Variants in FCHO2 observed in about 807,000 individuals in gnomAD.
FCHO2 encodes F-BAR domain only protein 2.
In FCHO2, 43 loss-of-function variants were observed where a neutral mutation model predicts 114.1. That is an observed-to-expected ratio of 0.38 (90% CI 0.30 to 0.49). FCHO2 has a LOEUF of 0.49. Ranked by LOEUF, FCHO2 falls within the 20% of genes least tolerant of loss-of-function variation. FCHO2 has a pLI of 0.97. For synonymous variants in FCHO2, 293 were observed against 315.2 expected (o/e 0.93, Z 0.75); for missense variants, 807 against 950.4 (o/e 0.85, Z 1.98).
intron 8 of FCHO2, among the ~76,000 whole-genome samples, chr5:73,019,387 C>A (rs1239180446): frequency 6.6e-6 from 1 of 151,952 alleles, no homozygotes; most frequent in African/African-American, 2.4e-5. Flanking sequence ...ACTGAAAATA[C>A]AAAAATTAGC....
chr5:73,080,839 T>C (rs528812730), intron 22 of FCHO2, among the ~76,000 whole-genome samples: 1 of 152,136 alleles, frequency 6.6e-6, no homozygotes, highest in East Asian at 1.9e-4. Flanking sequence ...GGCTGGACTT[T>C]GTTGCTCTGG....
At position 73,074,838 on chromosome 5, in the gene FCHO2, G is replaced by A. The variant is rs1742835139; in HGVS notation, c.1676G>A (p.Gly559Glu). The stretch of plus-strand genomic sequence containing the variant: ...GAATCTGTTAATGCCTACTTTAAAG[G>A]AGCAGATCCCACCAAGTTAGTTTTT... ...LTESVNAYFK[G>E]ADPTKCIVKI... is the part of the protein sequence containing the mutation. Residue 559 changes from glycine (G) to glutamate (E), a missense_variant, in exon 20 of 26, where the codon GGA becomes GAA. Gly to Glu is a moderately conservative substitution (Grantham distance 98). Transcript: ENST00000430046. 4.3e-6 allele frequency: 7 copies of A among 1,611,794 alleles called. No homozygotes were observed. The highest frequency in any genetic ancestry group is 5.9e-6 in the Non-Finnish European group (7 of 1,178,994).
At chr5:73,039,487 G>A (rs13184743) in intron 10 of FCHO2, among the ~76,000 whole-genome samples, 3 of 152,194 alleles carry the variant, frequency 2.0e-5, no homozygotes, top group Non-Finnish European at 2.9e-5. Context: ...TGATTCTCTA[G>A]AAGGATTGGG....
At chr5:72,989,549 T>G in intron 3 of FCHO2, 48 bp downstream of exon 3, 1 of 1,479,238 alleles carries the variant, frequency 6.8e-7, no homozygotes, top group Non-Finnish European at 9.3e-7. Flanking sequence ...GGCAAAGTTC[T>G]TAAGGATTCT....
chr5:73,011,864 T>C lies in FCHO2; in HGVS notation c.601-3762T>C, dbSNP rs184433269. Among the ~76,000 whole-genome samples, 9 of 151,732 alleles carry C rather than the reference T, an allele frequency of 5.9e-5. No homozygotes were observed. The East Asian group carries it at 1.7e-3, about 29-fold the overall frequency. On this transcript the variant is annotated intron_variant, in intron 6 of 25. Coordinates refer to ENST00000430046, the MANE Select transcript of FCHO2 (RefSeq NM_138782.3). Reference sequence around the variant, plus strand: ...GGTGGTGGTTGCAGTGAGCTGAGATTGCGCCACTGCCCTCCAGCCTGGGCA... The same window carrying C: ...GGTGGTGGTTGCAGTGAGCTGAGATCGCGCCACTGCCCTCCAGCCTGGGCA...
intron 17 of FCHO2, among the ~76,000 whole-genome samples, chr5:73,060,641 G>T (rs1757810450): frequency 6.6e-6 from 1 of 151,940 alleles, no homozygotes; most frequent in African/African-American, 2.4e-5. Context: ...GCAAGGTCCA[G>T]GTTGTGAGAT....
rs571628924 is a variant in FCHO2 at position 72,983,802 on chromosome 5, G to GT, written c.126-5617dup. ...TCTTCTAGATCTTTTGCTGTTTTCG[G>GT]TTTTTTTTCTATTACCAAGTAATGT... On this transcript the variant is annotated intron_variant, in intron 2 of 25. Transcript: ENST00000430046. Among the ~76,000 whole-genome samples the GT allele has an allele frequency of 9.9e-5, 15 of 150,974 alleles. No individual in the cohort carries two copies. In the South Asian group the frequency reaches 1.0e-3, roughly 11 times the overall value.
chr5:73,037,178 C>A lies in FCHO2; in HGVS notation c.877C>A (p.Pro293Thr). Residue 293 changes from proline (P) to threonine (T), a missense_variant, in exon 10 of 26, where the codon CCA (proline) becomes ACA (threonine). By Grantham distance (38) the Pro-to-Thr change is conservative (BLOSUM62 -1). Transcript: ENST00000430046. ...AAGGAAAAGAAAGACCTTTGCTTTG[C>A]CAGGAATCATTAAAAAGGAAAAAGA... ...KPRKRKTFAL[P>T]GIIKKEKDAE... The A allele has an allele frequency of 6.3e-7, 1 of 1,592,140 alleles. No homozygotes were observed. Among genetic ancestry groups the A allele is most frequent in the East Asian group, 2.3e-5 (1 of 44,072 alleles).
chr5:72,993,824 A>G (rs538403660), intron 5 of FCHO2, among the ~76,000 whole-genome samples: 1 of 152,310 alleles, frequency 6.6e-6, no homozygotes, highest in South Asian at 2.1e-4. Flanking sequence ...AGAAAACCTG[A>G]AGATAATAAT....
intron 9 of FCHO2, 69 bp downstream of exon 9, chr5:73,034,770 A>G (rs1286935906): frequency 7.9e-7 from 1 of 1,263,106 alleles, no homozygotes; most frequent in East Asian, 2.5e-5. Flanking sequence ...CATTGAACAA[A>G]TAAGGAGGGA....
intron 11 of FCHO2, among the ~76,000 whole-genome samples, chr5:73,041,642 C>T (rs200357249): frequency 2.3e-4 from 35 of 152,102 alleles, no homozygotes; most frequent in South Asian, 4.1e-4. Flanking sequence ...GGTGTTCTTA[C>T]TAATTTATTC....
chr5:73,051,719 C>G (rs528433555), intron 12 of FCHO2, among the ~76,000 whole-genome samples: 1 of 151,736 alleles, frequency 6.6e-6, no homozygotes, highest in South Asian at 2.1e-4. Context: ...GGCATGCGCA[C>G]CATGCCTGGC....
At chr5:73,029,274 A>G (rs1756104462) in intron 8 of FCHO2, among the ~76,000 whole-genome samples, 2 of 152,220 alleles carry the variant, frequency 1.3e-5, no homozygotes, top group Admixed American at 6.5e-5. Context: ...TTATAGACAT[A>G]AGTACTATAA....
At position 73,083,145 on chromosome 5, in the gene FCHO2, A is replaced by G. The variant is rs779947371; in HGVS notation, c.2245+320A>G. ...GTGATCTGCCCACCTCGGCCTCCCA[A>G]AGTGCTGGGATTACAGGCGTGAGCC... On this transcript the variant is annotated intron_variant, in intron 24 of 25. Coordinates refer to ENST00000430046, the MANE Select transcript of FCHO2 (RefSeq NM_138782.3). 8.5e-5 allele frequency among the ~76,000 whole-genome samples: 13 copies of G among 152,050 alleles called. No homozygotes were observed. In the East Asian group the frequency reaches 1.2e-3, roughly 14 times the overall value.
intron 5 of FCHO2, among the ~76,000 whole-genome samples, chr5:72,995,638 G>A (rs1209513029): frequency 6.6e-6 from 1 of 152,126 alleles, no homozygotes; most frequent in Non-Finnish European, 1.5e-5. Flanking sequence ...CACATCTAGT[G>A]AGAGCCTTCT....
intron 21 of FCHO2, 80 bp downstream of exon 21, chr5:73,077,573 T>C (rs189333780): frequency 1.1e-4 from 156 of 1,414,888 alleles, no homozygotes; most frequent in Non-Finnish European, 1.4e-4. Context: ...CTCACGCCTG[T>C]AATCCCAGCA....
At chr5:73,060,764 C>A (rs1757814704) in intron 17 of FCHO2, among the ~76,000 whole-genome samples, 1 of 151,602 alleles carries the variant, frequency 6.6e-6, no homozygotes, top group Non-Finnish European at 1.5e-5. Flanking sequence ...AGTTAAGAAT[C>A]CCAGTGTTGT....
chr5:72,981,075 C>G (rs1167279947), intron 2 of FCHO2, among the ~76,000 whole-genome samples: 1 of 152,052 alleles, frequency 6.6e-6, no homozygotes, highest in Non-Finnish European at 1.5e-5. Context: ...TTTGCAGTTG[C>G]TGGTGTTGGT....
chr5:72,968,237 A>G (rs1258582304), intron 1 of FCHO2, among the ~76,000 whole-genome samples: 1 of 152,192 alleles, frequency 6.6e-6, no homozygotes, highest in Non-Finnish European at 1.5e-5. Context: ...ACTTAATTTT[A>G]TTAATTGTAC....
Sources: allele counts gnomAD v4.1 joint callset (sites outside exome capture counted in the v4.1 genomes callset), GRCh38; gene constraint gnomAD v4.1.1; transcripts MANE v1.5; gene names NCBI Gene and HGNC (gene_info 2026-07-23, HGNC 2026-07-21).